NIPA1: variants seen among roughly 807,000 people sequenced by gnomAD.
NIPA1 encodes NIPA magnesium transporter 1.
Under a neutral mutation model 23.9 loss-of-function variants are expected in NIPA1, and 13 were observed. The ratio of observed to expected loss-of-function variants is 0.54; its 90% CI spans 0.35 to 0.87. The LOEUF is 0.87. Among genes scored for constraint, NIPA1 ranks in the 40% least tolerant of loss-of-function variants. The pLI is 0.01. For synonymous variants in NIPA1, 234 were observed against 202.9 expected (o/e 1.15, Z -1.30); for missense variants, 362 against 429.7 (o/e 0.84, Z 1.39).
At chr15:22,798,683 C>T (rs1333125848) in intron 1 of NIPA1, among the ~76,000 whole-genome samples, 1 of 149,926 alleles carries the variant, frequency 6.7e-6, no homozygotes, top group African/African-American at 2.4e-5. Flanking sequence ...CCCGTCTCTA[C>T]TAAAAATACA....
chr15:22,829,729 T>A lies in NIPA1; in HGVS notation c.*5490T>A, dbSNP rs572222573. Reference sequence around the variant, plus strand: ...ATGTAAATAAAAAGGCTATTAAGTTTTCCAGTAATATTTATTAATCTGTAT... The same window carrying A: ...ATGTAAATAAAAAGGCTATTAAGTTATCCAGTAATATTTATTAATCTGTAT... On this transcript the variant is annotated 3_prime_UTR_variant, in exon 5 of 5. Coordinates refer to ENST00000337435, the MANE Select transcript of NIPA1 (RefSeq NM_144599.5). 6.6e-5 allele frequency: 10 copies of A among 152,362 alleles called. No homozygotes were observed. The highest frequency in any genetic ancestry group is 2.4e-4 in the African/African-American group (10 of 41,588). The allele number at this position is 152,362 out of a possible 1,614,324, so 9.4% of individuals were successfully genotyped here.
At position 22,810,633 on chromosome 15, in the gene NIPA1, A is replaced by AT. The variant is rs774953857; in HGVS notation, c.179-114dup. The AT allele has an allele frequency of 1.7e-4, 117 of 678,554 alleles. 1 individual carries two copies. Among genetic ancestry groups the AT allele is most frequent in the Non-Finnish European group, 3.8e-5 (14 of 368,144 alleles). 42.0% of individuals were successfully genotyped at this position (678,554 alleles called of 1,614,324 possible). A position where few individuals can be genotyped will look rare whatever the true frequency, so the allele number is the denominator to read the frequency against. Reference sequence around the variant, plus strand: ...CTTTAGGGTGAATAAACAGTATGACATTCATTCTTTTCAATTTTAGTTTTC... The same window carrying AT: ...CTTTAGGGTGAATAAACAGTATGACATTTCATTCTTTTCAATTTTAGTTTTC... On this transcript the variant is annotated intron_variant, in intron 1 of 4. Transcript: ENST00000337435.
chr15:22,801,232 C>T (rs1005565349), intron 1 of NIPA1, among the ~76,000 whole-genome samples: 2 of 152,134 alleles, frequency 1.3e-5, no homozygotes, highest in African/African-American at 4.8e-5. Context: ...TCTACTTTTA[C>T]AGGGCATGGA....
intron 2 of NIPA1, chr15:22,811,113 C>T (rs370200208): frequency 5.5e-5 from 20 of 363,588 alleles, no homozygotes; most frequent in African/African-American, 3.7e-4. Context: ...TAAAACAGCT[C>T]CTGCTTACTC....
At chr15:22,795,613 A>G (rs904532733) in intron 1 of NIPA1, among the ~76,000 whole-genome samples, 1 of 152,012 alleles carries the variant, frequency 6.6e-6, no homozygotes. Context: ...GACCCCTTCC[A>G]TGGTGTGTGG....
At chr15:22,810,987 C>T in intron 2 of NIPA1, 191 bp downstream of exon 2, 1 of 618,574 alleles carries the variant, frequency 1.6e-6, no homozygotes, top group East Asian at 2.8e-5. Context: ...CTCCCTGCTC[C>T]CCTTCCTCCC....
chr15:22,819,791 A>G (rs533621642), intron 3 of NIPA1, among the ~76,000 whole-genome samples: 2 of 152,312 alleles, frequency 1.3e-5, no homozygotes, highest in South Asian at 2.1e-4. Flanking sequence ...ATTTTTGGTC[A>G]GTCATAAAAC....
Position 22,813,043 on chromosome 15 carries a change from C to T in NIPA1, c.317+790C>T, listed in dbSNP as rs534293598. Among the ~76,000 whole-genome samples, 14 of 152,230 alleles carry T rather than the reference C, an allele frequency of 9.2e-5. 1 individual carries two copies. The highest frequency in any genetic ancestry group is 4.1e-4 in the South Asian group (2 of 4,826). On this transcript the variant is annotated intron_variant, in intron 3 of 4. Coordinates refer to ENST00000337435, the MANE Select transcript of NIPA1 (RefSeq NM_144599.5). ...GATGTGAAATAGGATTTATGACTGA[C>T]GCAGTCAATAGCACATGGATTTTCT...
Position 22,824,554 on chromosome 15 carries a change from A to G in NIPA1, c.*315A>G, listed in dbSNP as rs1895611834. The G allele has an allele frequency of 5.7e-6, 2 of 351,100 alleles. No individual in the cohort carries two copies. Among genetic ancestry groups the G allele is most frequent in the African/African-American group, 4.2e-5 (2 of 47,846 alleles). 21.7% of individuals were successfully genotyped at this position (351,100 alleles called of 1,614,324 possible). On this transcript the variant is annotated 3_prime_UTR_variant, in exon 5 of 5. Coordinates refer to ENST00000337435, the MANE Select transcript of NIPA1 (RefSeq NM_144599.5). This position sits in a 1 kb window ranked among gnomAD's most constrained non-coding sequence, Gnocchi z 4.1. ...TAAAACATTTTAACATTATTTAAAC[A>G]GAAAAAGATGGGCTCTTTCTGGTTA...
At chr15:22,787,381 G>A (rs1455000235) in intron 1 of NIPA1, among the ~76,000 whole-genome samples, 1 of 152,234 alleles carries the variant, frequency 6.6e-6, no homozygotes, top group African/African-American at 2.4e-5. Flanking sequence ...AGGAAGACCC[G>A]GGCGGGCTCT....
chr15:22,808,016 C>T (rs1895248087), intron 1 of NIPA1, among the ~76,000 whole-genome samples: 1 of 152,132 alleles, frequency 6.6e-6, no homozygotes, highest in South Asian at 2.1e-4. Context: ...GTCTCGGTCT[C>T]CTGACCTTGT....
At chr15:22,792,519 C>T (rs1025455782) in intron 1 of NIPA1, among the ~76,000 whole-genome samples, 6 of 152,022 alleles carry the variant, frequency 3.9e-5, no homozygotes, top group Admixed American at 1.3e-4. Context: ...CCACCACACC[C>T]GGCTAATTTT....
intron 4 of NIPA1, among the ~76,000 whole-genome samples, chr15:22,821,102 T>A (rs1895529667): frequency 6.6e-6 from 1 of 151,912 alleles, no homozygotes; most frequent in Non-Finnish European, 1.5e-5. Flanking sequence ...AGCCGGGGAC[T>A]ACAGGCGCCT....
chr15:22,823,912 G>T lies in NIPA1; in HGVS notation c.663G>T (p.Pro221=), dbSNP rs758044464. ...CCCAAGACATCTTGCATAACAACCC[G>T]TCCAGTCAGAGAGCCCTCTGCCTGT... ...LAAQDILHNN[P]SSQRALCLCL... is the part of the protein sequence containing the mutation. Residue 221 remains proline, a synonymous_variant, in exon 5 of 5, where the codon CCG becomes CCT. Coordinates refer to ENST00000337435, the MANE Select transcript of NIPA1 (RefSeq NM_144599.5). 1 of 1,614,166 alleles carries T rather than the reference G, an allele frequency of 6.2e-7. No homozygotes were observed. The highest frequency in any genetic ancestry group is 1.7e-5 in the Admixed American group (1 of 60,026).
chr15:22,801,428 G>A (rs549341056), intron 1 of NIPA1, among the ~76,000 whole-genome samples: 2 of 152,032 alleles, frequency 1.3e-5, no homozygotes, highest in South Asian at 2.1e-4. Context: ...TGTGGTGGGG[G>A]AAAGGATGAG....
At position 22,826,485 on chromosome 15, in the gene NIPA1, G is replaced by A. The variant is rs1595649611; in HGVS notation, c.*2246G>A. 6.6e-6 allele frequency: 1 copy of A among 152,206 alleles called. No individual in the cohort carries two copies. The highest frequency in any genetic ancestry group is 1.9e-4 in the East Asian group (1 of 5,172). The allele number at this position is 152,206 out of a possible 1,614,324, so 9.4% of individuals were successfully genotyped here. ...ATAGTTTCCTAGGTAAGGGGTGTGA[G>A]ATATTCAAAGAATACATGTGGCTAA... On this transcript the variant is annotated 3_prime_UTR_variant, in exon 5 of 5. Transcript: ENST00000337435.
intron 1 of NIPA1, among the ~76,000 whole-genome samples, chr15:22,791,947 T>G (rs1296451220): frequency 6.6e-6 from 1 of 152,096 alleles, no homozygotes; most frequent in East Asian, 1.9e-4. Context: ...TGGGGCCGCC[T>G]GCCTTCTTTG....
intron 1 of NIPA1, among the ~76,000 whole-genome samples, chr15:22,791,933 C>T (rs1257099553): frequency 2.6e-5 from 4 of 152,234 alleles, no homozygotes; most frequent in East Asian, 1.9e-4. Flanking sequence ...AGCATAGGCT[C>T]GGATGGGGCC....
chr15:22,790,547 GT>G (rs750467433), intron 1 of NIPA1, among the ~76,000 whole-genome samples: 3 of 151,626 alleles, frequency 2.0e-5, no homozygotes, highest in Non-Finnish European at 4.4e-5. Context: ...CTCCCGAGTA[GT>G]TGGGTTATAG....
Sources: gnomAD v4.1 joint callset for allele counts (sites outside exome capture counted in the v4.1 genomes callset) on GRCh38, gnomAD v4.1.1 for gene constraint, Gnocchi (gnomAD v3.1) non-coding constraint, MANE v1.5 for transcripts, NCBI Gene and HGNC (gene_info 2026-07-23, HGNC 2026-07-21) for gene names.